NCKAP5: variants seen among roughly 807,000 people sequenced by gnomAD.
NCKAP5 encodes the protein nck-associated protein 5.
NCKAP5 carries 92 observed loss-of-function variants against 167.0 expected under a neutral mutation model. The observed-to-expected ratio is 0.55, with a 90% CI of 0.47 to 0.66. The LOEUF is 0.66. Ranked by LOEUF, NCKAP5 falls within the 30% of genes least tolerant of loss-of-function variation. The pLI, the probability that NCKAP5 is intolerant of heterozygous loss-of-function variation, is 0.00. For missense variants in NCKAP5, 2,378 were observed against 2,315.0 expected (o/e 1.03, Z -0.56); for synonymous variants, 891 against 877.4 (o/e 1.02, Z -0.27).
chr2:133,292,193 A>G (rs568645102), intron 4 of NCKAP5, among the ~76,000 whole-genome samples: 2 of 152,312 alleles, frequency 1.3e-5, no homozygotes, highest in East Asian at 3.9e-4. Flanking sequence ...CCTTTTTAAA[A>G]AATAAGTCAT....
intron 3 of NCKAP5, among the ~76,000 whole-genome samples, chr2:133,479,853 G>A (rs1056342945): frequency 2.6e-5 from 4 of 152,028 alleles, no homozygotes; most frequent in African/African-American, 9.7e-5. Context: ...ATAAACTGGT[G>A]AGGAATATGT....
chr2:133,294,947 G>A (rs908368839), intron 4 of NCKAP5, among the ~76,000 whole-genome samples: 2 of 152,108 alleles, frequency 1.3e-5, no homozygotes, highest in Non-Finnish European at 2.9e-5. Flanking sequence ...TACTCCCCCT[G>A]GTGATGTAGG....
At chr2:133,491,514 G>A (rs1164535794) in intron 3 of NCKAP5, among the ~76,000 whole-genome samples, 1 of 152,098 alleles carries the variant, frequency 6.6e-6, no homozygotes, top group Non-Finnish European at 1.5e-5. Context: ...GGAAAGACAG[G>A]AACAGCAGAG....
chr2:133,643,088 T>A, the NCKAP5 span, among the ~76,000 whole-genome samples: 5 of 152,176 alleles, frequency 3.3e-5, no homozygotes, highest in African/African-American at 9.7e-5. Flanking sequence ...TTGAAAGGCA[T>A]CCAAATCACT....
At chr2:132,792,507 C>T (rs1684153773) in intron 12 of NCKAP5, among the ~76,000 whole-genome samples, 1 of 152,212 alleles carries the variant, frequency 6.6e-6, no homozygotes. Context: ...GGCTTCACTT[C>T]TACTGTGTGC....
At chr2:132,857,907 A>C (rs1689596119) in intron 11 of NCKAP5, among the ~76,000 whole-genome samples, 1 of 152,216 alleles carries the variant, frequency 6.6e-6, no homozygotes, top group Non-Finnish European at 1.5e-5. Flanking sequence ...GAATTTGCTA[A>C]ATGATATCCA....
At chr2:132,973,411 G>C (rs773928144) in intron 7 of NCKAP5, among the ~76,000 whole-genome samples, 12 of 152,114 alleles carry the variant, frequency 7.9e-5, no homozygotes, top group Non-Finnish European at 1.5e-4. Flanking sequence ...TTCCCTCCTA[G>C]CTCTGCCACT....
At chr2:133,046,970 G>T (rs1280641163) in intron 6 of NCKAP5, among the ~76,000 whole-genome samples, 1 of 152,126 alleles carries the variant, frequency 6.6e-6, no homozygotes, top group Non-Finnish European at 1.5e-5. Context: ...AAATTGGCAG[G>T]TTGGCTTATC....
chr2:133,670,121 C>T, the NCKAP5 span, among the ~76,000 whole-genome samples: 2 of 152,166 alleles, frequency 1.3e-5, no homozygotes, highest in Non-Finnish European at 2.9e-5. Flanking sequence ...TACCCCTTAC[C>T]AGCTCTGTGA....
At chr2:133,423,317 A>G (rs1367130552) in intron 3 of NCKAP5, among the ~76,000 whole-genome samples, 1 of 152,168 alleles carries the variant, frequency 6.6e-6, no homozygotes, top group African/African-American at 2.4e-5. Flanking sequence ...TGTAAGCAGA[A>G]TGACACTCCA....
At chr2:133,154,782 C>T (rs1270836222) in intron 5 of NCKAP5, among the ~76,000 whole-genome samples, 1 of 152,198 alleles carries the variant, frequency 6.6e-6, no homozygotes, top group Non-Finnish European at 1.5e-5. Context: ...GACATGCATA[C>T]ATCAGAGGGA....
the NCKAP5 span, among the ~76,000 whole-genome samples, chr2:133,657,361 C>T: frequency 6.6e-6 from 1 of 152,206 alleles, no homozygotes; most frequent in Non-Finnish European, 1.5e-5. Context: ...ACTCGTTTAA[C>T]ATATTTTTTC....
chr2:132,936,507 G>C (rs939298888), intron 8 of NCKAP5, among the ~76,000 whole-genome samples: 4 of 152,168 alleles, frequency 2.6e-5, no homozygotes, highest in Admixed American at 2.6e-4. Context: ...GGCTGCACAA[G>C]GGGGTGGGTT....
At chr2:133,282,061 A>T (rs1302103966) in intron 4 of NCKAP5, among the ~76,000 whole-genome samples, 2 of 152,100 alleles carry the variant, frequency 1.3e-5, no homozygotes, top group South Asian at 2.1e-4. Flanking sequence ...TTTAGTGACA[A>T]CTCATTAAAT....
In NCKAP5 at chr2:132,782,886, C is replaced by T. The variant is rs764718255; in HGVS notation, c.3925G>A (p.Gly1309Ser). The T allele has an allele frequency of 1.2e-4, 195 of 1,613,784 alleles. No homozygotes were observed. Among genetic ancestry groups the T allele is most frequent in the Non-Finnish European group, 1.6e-4 (187 of 1,179,886 alleles). The change falls in exon 14 of 20, where the codon GGC becomes AGC. Residue 1309 changes from glycine (G) to serine (S), a missense_variant. By Grantham distance (56) the Gly-to-Ser change is moderately conservative. Transcript: ENST00000409261. ...GAGTTCTGCCGGGTAAGAGAATTGC[C>T]TCTCTCGGCGGTATTGGTAATGATC... ...TQIITNTAER[G>S]NSLTRQNSST...
At chr2:133,548,631 C>G (rs556230334) in intron 2 of NCKAP5, among the ~76,000 whole-genome samples, 1 of 151,852 alleles carries the variant, frequency 6.6e-6, no homozygotes, top group Non-Finnish European at 1.5e-5. Context: ...CCAAACTAAG[C>G]TTCATAAGTG....
the NCKAP5 span, among the ~76,000 whole-genome samples, chr2:133,588,035 A>G: frequency 6.6e-5 from 10 of 152,070 alleles, no homozygotes; most frequent in Non-Finnish European, 1.2e-4. Context: ...ATAAAAAGGA[A>G]TAAATAAATA....
chr2:133,585,981 A>G, the NCKAP5 span, among the ~76,000 whole-genome samples: 1 of 152,244 alleles, frequency 6.6e-6, no homozygotes. Flanking sequence ...TCATTAAAAA[A>G]GAAAAAGTGA....
intron 3 of NCKAP5, among the ~76,000 whole-genome samples, chr2:133,440,180 G>A (rs1690744604): frequency 6.6e-6 from 1 of 152,184 alleles, no homozygotes; most frequent in African/African-American, 2.4e-5. Context: ...AATGCAGTTG[G>A]TGTGTGTGTT....
Sources: allele counts gnomAD v4.1 joint callset (sites outside exome capture counted in the v4.1 genomes callset), GRCh38; gene constraint gnomAD v4.1.1; transcripts MANE v1.5; gene names NCBI Gene and HGNC (gene_info 2026-07-23, HGNC 2026-07-21).